Variants in NKAIN2 observed in about 807,000 individuals in gnomAD.
NKAIN2 encodes sodium/potassium transporting ATPase interacting 2, also known as sodium/potassium-transporting ATPase subunit beta-1-interacting protein 2.
Under a neutral mutation model 32.6 loss-of-function variants are expected in NKAIN2, and 14 were observed. The ratio of observed to expected loss-of-function variants is 0.43; its 90% CI spans 0.28 to 0.67. The LOEUF is 0.67. NKAIN2 is among the 30% of genes least tolerant of loss of function. NKAIN2 has a pLI of 0.17. For missense variants in NKAIN2, 198 were observed against 258.3 expected (o/e 0.77, Z 1.60); for synonymous variants, 80 against 87.2 (o/e 0.92, Z 0.46).
chr6:123,978,149 T>G (rs1212939673), intron 1 of NKAIN2, among the ~76,000 whole-genome samples: 1 of 152,224 alleles, frequency 6.6e-6, no homozygotes, highest in Non-Finnish European at 1.5e-5. Flanking sequence ...TTTGTTTGCA[T>G]TAAATGCTTA....
intron 1 of NKAIN2, among the ~76,000 whole-genome samples, chr6:124,217,916 T>C (rs993629856): frequency 6.6e-6 from 1 of 152,082 alleles, no homozygotes; most frequent in Admixed American, 6.6e-5. Context: ...GACCTAAAAC[T>C]AAATCAGTTG....
chr6:124,278,650 C>CATATATATATATATATATAT (rs57008229), intron 1 of NKAIN2, among the ~76,000 whole-genome samples: 3 of 68,986 alleles, frequency 4.3e-5, no homozygotes, highest in Non-Finnish European at 9.3e-5. Context: ...ATACATAGCT[C>CATATATATATATATATATAT]ATATATATAT....
intron 1 of NKAIN2, among the ~76,000 whole-genome samples, chr6:123,847,699 A>G (rs1350030263): frequency 6.6e-6 from 1 of 152,130 alleles, no homozygotes; most frequent in Non-Finnish European, 1.5e-5. Flanking sequence ...GTTTTTAACT[A>G]TTGGCCAAAT....
chr6:124,133,463 C>T (rs1363849385), intron 1 of NKAIN2, among the ~76,000 whole-genome samples: 1 of 152,150 alleles, frequency 6.6e-6, no homozygotes, highest in East Asian at 1.9e-4. Context: ...AGCCACCCTG[C>T]TCAAGACTGG....
intron 1 of NKAIN2, among the ~76,000 whole-genome samples, chr6:124,192,751 T>G (rs1052550006): frequency 1.5e-5 from 2 of 135,666 alleles, no homozygotes; most frequent in East Asian, 2.1e-4. Flanking sequence ...GTTTTTTTTT[T>G]TTTTTTTTTT....
intron 4 of NKAIN2, among the ~76,000 whole-genome samples, chr6:124,770,970 T>G (rs188202633): frequency 2.0e-5 from 3 of 152,166 alleles, no homozygotes; most frequent in African/African-American, 7.2e-5. Context: ...AGAGGAAATC[T>G]AGGAAGAGCT....
intron 1 of NKAIN2, among the ~76,000 whole-genome samples, chr6:123,899,125 G>T (rs1184358122): frequency 6.6e-6 from 1 of 152,212 alleles, no homozygotes; most frequent in Non-Finnish European, 1.5e-5. Context: ...GATAGGTATT[G>T]ATCTCATTTT....
At chr6:124,371,417 A>G (rs1354100691) in intron 3 of NKAIN2, among the ~76,000 whole-genome samples, 2 of 151,998 alleles carry the variant, frequency 1.3e-5, no homozygotes, top group Non-Finnish European at 2.9e-5. Context: ...AAGTTGGTCA[A>G]GAGCAGTGGC....
At chr6:124,680,872 T>C (rs1251474967) in intron 4 of NKAIN2, among the ~76,000 whole-genome samples, 1 of 151,814 alleles carries the variant, frequency 6.6e-6, no homozygotes, top group Admixed American at 6.6e-5. Flanking sequence ...ATTCATAAAA[T>C]AAATGAGAAA....
intron 1 of NKAIN2, among the ~76,000 whole-genome samples, chr6:123,960,615 C>T (rs368532449): frequency 1.3e-5 from 2 of 151,858 alleles, no homozygotes; most frequent in African/African-American, 4.8e-5. Context: ...TTCACCTCCC[C>T]ACTCCCATCT....
chr6:124,146,142 C>T lies in NKAIN2; in HGVS notation c.55-136863C>T, dbSNP rs527337692. Among the ~76,000 whole-genome samples the T allele has an allele frequency of 9.9e-5, 15 of 152,242 alleles. No individual in the cohort carries two copies. The South Asian group carries it at 2.9e-3, about 29-fold the overall frequency. Reference sequence around the variant, plus strand: ...AGACTCTCTGTATTATTTACTACAACTGCTTGTTAATCAACATTATCTCAA... The same window carrying T: ...AGACTCTCTGTATTATTTACTACAATTGCTTGTTAATCAACATTATCTCAA... On this transcript the variant is annotated intron_variant, in intron 1 of 6. Coordinates refer to ENST00000368417, the MANE Select transcript of NKAIN2 (RefSeq NM_001040214.3).
rs114292028 is a variant in NKAIN2 at position 123,953,982 on chromosome 6, A to G, written c.54+149728A>G. Reference sequence around the variant, plus strand: ...ACTACAGGTGTGGGAGTTTGCACTTAAAGTGCTTGAATATGCATAACAGCT... The same window carrying G: ...ACTACAGGTGTGGGAGTTTGCACTTGAAGTGCTTGAATATGCATAACAGCT... On this transcript the variant is annotated intron_variant, in intron 1 of 6. Coordinates refer to ENST00000368417, the MANE Select transcript of NKAIN2 (RefSeq NM_001040214.3). 2.0e-3 allele frequency among the ~76,000 whole-genome samples: 299 copies of G among 152,290 alleles called. 1 individual carries two copies. The highest frequency in any genetic ancestry group is 6.9e-3 in the African/African-American group (286 of 41,580).
chr6:124,073,297 G>A (rs989690597), intron 1 of NKAIN2, among the ~76,000 whole-genome samples: 4 of 152,358 alleles, frequency 2.6e-5, no homozygotes, highest in Non-Finnish European at 2.9e-5. Flanking sequence ...CCGGCACAGC[G>A]TGCCATCTCA....
At chr6:124,090,404 G>A (rs1216418233) in intron 1 of NKAIN2, among the ~76,000 whole-genome samples, 1 of 151,918 alleles carries the variant, frequency 6.6e-6, no homozygotes, top group Non-Finnish European at 1.5e-5. Flanking sequence ...CTTTCTGACT[G>A]CAGTCATTTT....
At chr6:124,171,760 C>T (rs537417396) in intron 1 of NKAIN2, among the ~76,000 whole-genome samples, 8 of 150,478 alleles carry the variant, frequency 5.3e-5, no homozygotes, top group Non-Finnish European at 5.9e-5. Context: ...CCGTGTTGCC[C>T]AGGCTGGTCT....
chr6:124,388,675 T>C (rs1029538423), intron 3 of NKAIN2, among the ~76,000 whole-genome samples: 16 of 152,110 alleles, frequency 1.1e-4, no homozygotes, highest in African/African-American at 2.2e-4. Context: ...CTCACGGTGA[T>C]TTAATGATCA....
At chr6:124,091,982 C>T (rs528664976) in intron 1 of NKAIN2, among the ~76,000 whole-genome samples, 30 of 152,126 alleles carry the variant, frequency 2.0e-4, no homozygotes, top group Admixed American at 7.2e-4. Context: ...TCATCTTTGC[C>T]TTTTAGTTTT....
chr6:124,692,829 A>T (rs9372786), intron 4 of NKAIN2, among the ~76,000 whole-genome samples: 15,321 of 152,124 alleles, frequency 0.1, 1,019 homozygotes, highest in South Asian at 0.19. Context: ...GAAAAAAAAA[A>T]ATATATGTAA....
intron 1 of NKAIN2, among the ~76,000 whole-genome samples, chr6:124,167,361 T>C (rs1445786176): frequency 2.0e-5 from 3 of 151,968 alleles, no homozygotes; most frequent in South Asian, 2.1e-4. Context: ...TTTTTGTACA[T>C]TGATTTTGTA....
Sources: allele counts gnomAD v4.1 joint callset (sites outside exome capture counted in the v4.1 genomes callset), GRCh38; gene constraint gnomAD v4.1.1; transcripts MANE v1.5; gene names NCBI Gene and HGNC (gene_info 2026-07-23, HGNC 2026-07-21).